The following KDM1A variants were observed in gnomAD, a reference collection of about 807,000 sequenced individuals.
KDM1A encodes lysine-specific histone demethylase 1A.
Under a neutral mutation model 109.4 loss-of-function variants are expected in KDM1A, and 49 were observed. The ratio of observed to expected loss-of-function variants is 0.45; its 90% CI spans 0.36 to 0.57. The LOEUF (loss-of-function observed/expected upper bound fraction) is 0.57. Ranked by LOEUF, KDM1A falls within the 20% of genes least tolerant of loss-of-function variation. KDM1A has a pLI of 0.00. For synonymous variants in KDM1A, 380 were observed against 415.4 expected (o/e 0.91, Z 1.04); for missense variants, 668 against 1,116.6 (o/e 0.60, Z 5.73).
intron 2 of KDM1A, among the ~76,000 whole-genome samples, chr1:23,032,850 A>G (rs1269631101): frequency 6.6e-6 from 1 of 152,232 alleles, no homozygotes; most frequent in African/African-American, 2.4e-5. Flanking sequence ...ATTGAACGGA[A>G]GCATTGCTAT....
At chr1:23,036,551 G>A (rs671357) in intron 2 of KDM1A, among the ~76,000 whole-genome samples, 121,871 of 150,230 alleles carry the variant, frequency 0.81, 49,810 homozygotes, top group Non-Finnish European at 0.83. Flanking sequence ...GCTGAGGGAA[G>A]AAAGTGACAA....
intron 14 of KDM1A, among the ~76,000 whole-genome samples, chr1:23,073,040 C>CT (rs879555488): frequency 4.7e-4 from 68 of 145,200 alleles, no homozygotes; most frequent in South Asian, 1.1e-3. Context: ...ATGAAGCATT[C>CT]TTTTTTTTTT....
chr1:23,019,997 C>G, intron 1 of KDM1A, 50 bp downstream of exon 1: 1 of 1,416,804 alleles, frequency 7.1e-7, no homozygotes, highest in Non-Finnish European at 9.2e-7. Flanking sequence ...CCGAGCTTCC[C>G]CGAGGCTTCT....
At chr1:23,059,642 A>G (rs1642942689) in intron 9 of KDM1A, among the ~76,000 whole-genome samples, 1 of 152,216 alleles carries the variant, frequency 6.6e-6, no homozygotes, top group Admixed American at 6.5e-5. Context: ...TAAAGTATTT[A>G]TTGACCAGAG....
intron 2 of KDM1A, among the ~76,000 whole-genome samples, chr1:23,037,256 A>C (rs1459465509): frequency 1.3e-5 from 2 of 150,578 alleles, no homozygotes; most frequent in African/African-American, 2.4e-5. Context: ...GTGAGCTGGG[A>C]TCGTACCACT....
intron 3 of KDM1A, among the ~76,000 whole-genome samples, chr1:23,049,927 A>T (rs764017371): frequency 1.3e-5 from 2 of 152,000 alleles, no homozygotes; most frequent in Admixed American, 6.5e-5. Context: ...TGTTGATGGG[A>T]TTGTGATTTT....
intron 10 of KDM1A, among the ~76,000 whole-genome samples, 196 bp from the exon 11 acceptor site, chr1:23,068,343 C>T (rs1643213010): frequency 6.6e-6 from 1 of 152,154 alleles, no homozygotes; most frequent in African/African-American, 2.4e-5. Flanking sequence ...AGGAAATTGT[C>T]AGGGCCCAAA....
At position 23,049,183 on chromosome 1, in the gene KDM1A, A is replaced by G. The variant is rs181626964; in HGVS notation, c.578-1204A>G. On this transcript the variant is annotated intron_variant, in intron 3 of 20. Transcript: ENST00000400181. ...AAAAAAAAAAAAAAAAAAATTATAT[A>G]TGGATATCTGGCGCCTATTTTGTTA... 4.1e-3 allele frequency among the ~76,000 whole-genome samples: 607 copies of G among 146,850 alleles called. 3 individuals are homozygous for G. The highest frequency in any genetic ancestry group is 6.3e-3 in the Admixed American group (92 of 14,716).
intron 2 of KDM1A, among the ~76,000 whole-genome samples, chr1:23,041,906 C>A (rs778990051): frequency 5.3e-5 from 8 of 152,046 alleles, no homozygotes; most frequent in African/African-American, 1.9e-4. Context: ...ACAAAAAAGA[C>A]TGCCTCGTTG....
intron 10 of KDM1A, 105 bp from the exon 11 acceptor site, chr1:23,068,434 T>G: frequency 1.7e-4 from 153 of 879,270 alleles, no homozygotes; most frequent in Non-Finnish European, 2.2e-4. Flanking sequence ...GTTTCCCCTT[T>G]GAGATACATA....
At chr1:23,072,044 A>T (rs1643336071) in intron 13 of KDM1A, 80 bp from the exon 14 acceptor site, 1 of 836,814 alleles carries the variant, frequency 1.2e-6, no homozygotes, top group African/African-American at 1.7e-5. Flanking sequence ...TATGATCCAG[A>T]CCTTATACTT....
intron 14 of KDM1A, 126 bp downstream of exon 14, chr1:23,072,323 A>G: frequency 1.4e-6 from 1 of 694,448 alleles, no homozygotes. Context: ...AAATTGTTAA[A>G]TAAATGAATG....
intron 10 of KDM1A, among the ~76,000 whole-genome samples, chr1:23,067,433 T>C (rs1643190366): frequency 6.6e-6 from 1 of 152,134 alleles, no homozygotes; most frequent in African/African-American, 2.4e-5. Context: ...GTCTGTTGGG[T>C]TGGGAAGTGG....
intron 10 of KDM1A, among the ~76,000 whole-genome samples, chr1:23,067,873 C>T (rs1643201008): frequency 6.6e-6 from 1 of 152,178 alleles, no homozygotes; most frequent in Non-Finnish European, 1.5e-5. Context: ...AATCTGTTTG[C>T]TTCATCCACA....
chr1:23,054,921 C>T, intron 5 of KDM1A, 148 bp from the exon 6 acceptor site: 2 of 568,748 alleles, frequency 3.5e-6, no homozygotes, highest in South Asian at 2.6e-5. Flanking sequence ...GCCACCGTGC[C>T]CAGCCTTAGA....
At chr1:23,056,107 A>G in intron 7 of KDM1A, 69 bp downstream of exon 7, 2 of 1,008,086 alleles carry the variant, frequency 2.0e-6, no homozygotes, top group African/African-American at 1.6e-5. Flanking sequence ...ATCTGTTGCA[A>G]ATTAAAGAAT....
chr1:23,035,768 C>G (rs556862381), intron 2 of KDM1A, among the ~76,000 whole-genome samples: 6 of 151,936 alleles, frequency 3.9e-5, no homozygotes, highest in South Asian at 2.1e-4. Flanking sequence ...TTTCATATAA[C>G]AAAAGATTGA....
At chr1:23,083,061 G>A in intron 20 of KDM1A, 118 bp from the exon 21 acceptor site, 1 of 846,430 alleles carries the variant, frequency 1.2e-6, no homozygotes, top group Non-Finnish European at 1.9e-6. Flanking sequence ...ATGATGAATA[G>A]TAATTGGGGG....
intron 2 of KDM1A, among the ~76,000 whole-genome samples, chr1:23,037,937 A>G (rs961632052): frequency 3.9e-5 from 6 of 152,074 alleles, no homozygotes; most frequent in Non-Finnish European, 8.8e-5. Flanking sequence ...TGTTGCCATC[A>G]TTTATTGGGT....
Sources: gnomAD v4.1 joint callset for allele counts (sites outside exome capture counted in the v4.1 genomes callset) on GRCh38, gnomAD v4.1.1 for gene constraint, MANE v1.5 for transcripts, NCBI Gene and HGNC (gene_info 2026-07-23, HGNC 2026-07-21) for gene names.